Variants in SP140L observed in about 807,000 individuals in gnomAD.
The protein encoded by SP140L is nuclear body protein SP140-like protein.
Under a neutral mutation model 84.3 loss-of-function variants are expected in SP140L, and 64 were observed. The ratio of observed to expected loss-of-function variants is 0.76; its 90% CI spans 0.62 to 0.94. The LOEUF (loss-of-function observed/expected upper bound fraction) is 0.94. Among genes scored for constraint, SP140L ranks in the 40% least tolerant of loss-of-function variants. The pLI is 0.00. For missense variants in SP140L, 628 were observed against 692.5 expected, an observed-to-expected ratio of 0.91 and a Z score of 1.05; for synonymous variants, 242 against 236.9, an observed-to-expected ratio of 1.02 and a Z score of -0.20.
chr2:230,330,856 G>A (rs1176222689), intron 2 of SP140L, among the ~76,000 whole-genome samples: 7 of 152,154 alleles, frequency 4.6e-5, no homozygotes, highest in Non-Finnish European at 8.8e-5. Context: ...GTTCTGAGTA[G>A]TGTGATGAAA....
At chr2:230,370,268 C>T (rs1448685678) in intron 5 of SP140L, among the ~76,000 whole-genome samples, 1 of 152,086 alleles carries the variant, frequency 6.6e-6, no homozygotes, top group Non-Finnish European at 1.5e-5. Context: ...TTCCAGAGAG[C>T]ACTTCACCTT....
In SP140L at chr2:230,327,268, CGA is replaced by C. The variant is rs2059604121; in HGVS notation, c.-1_1del. ...CACCCAGGCAGGGCCTAGGGTGGGA[CGA>C]TGGCAGGTGGGGGCAGCGACCTGAG... On this transcript the variant is annotated start_lost and 5_prime_UTR_variant, in exon 1 of 19. Transcript: ENST00000415673. 1 of 1,610,864 alleles carries C rather than the reference CGA, an allele frequency of 6.2e-7. No individual in the cohort carries two copies. The highest frequency in any genetic ancestry group is 1.3e-5 in the African/African-American group (1 of 74,826).
chr2:230,392,374 C>A (rs2061854639), intron 12 of SP140L, 145 bp downstream of exon 12: 2 of 1,280,590 alleles, frequency 1.6e-6, no homozygotes, highest in South Asian at 3.0e-5. Context: ...GAGAGAGGGA[C>A]CCCATATCCA....
rs1242318744 is a variant in SP140L, at chr2:230,383,491, T to C, written c.638-19T>C. On this transcript the variant is annotated intron_variant, in intron 7 of 18. Coordinates refer to ENST00000415673, the MANE Select transcript of SP140L (RefSeq NM_138402.6). Reference sequence around the variant, plus strand: ...ATTTATTCCTCTGTATAATTAACTTTATTCTCTTTGGTTTGAAGGAAAAAA... The same window carrying C: ...ATTTATTCCTCTGTATAATTAACTTCATTCTCTTTGGTTTGAAGGAAAAAA... 1.9e-6 allele frequency: 3 copies of C among 1,587,804 alleles called. No homozygotes were observed. Among genetic ancestry groups the C allele is most frequent in the Non-Finnish European group, 2.6e-6 (3 of 1,166,602 alleles).
intron 7 of SP140L, among the ~76,000 whole-genome samples, chr2:230,383,119 G>A (rs1252672745): frequency 6.6e-6 from 1 of 152,174 alleles, no homozygotes; most frequent in East Asian, 1.9e-4. Flanking sequence ...CCAATTTCCA[G>A]TACAGAATAT....
At chr2:230,335,509 C>G (rs915451604) in intron 2 of SP140L, among the ~76,000 whole-genome samples, 1 of 152,162 alleles carries the variant, frequency 6.6e-6, no homozygotes. Flanking sequence ...GGAAGTCGTC[C>G]TCTGTCCTTG....
At chr2:230,372,583 G>A (rs1358539536) in intron 7 of SP140L, 3 of 151,938 alleles carry the variant, frequency 2.0e-5, no homozygotes, top group Non-Finnish European at 4.4e-5. Context: ...AAATTAGCCG[G>A]GCGTGTTGGC....
chr2:230,342,216 C>G (rs185473478), intron 2 of SP140L: 1 of 160,640 alleles, frequency 6.2e-6, no homozygotes, highest in African/African-American at 2.4e-5. Flanking sequence ...TTAAGCCCGT[C>G]GGAAAAGCGC....
At chr2:230,351,460 G>A (rs900960961) in intron 2 of SP140L, among the ~76,000 whole-genome samples, 1 of 152,150 alleles carries the variant, frequency 6.6e-6, no homozygotes, top group African/African-American at 2.4e-5. Context: ...TTTAGTCTTT[G>A]CCTATTAATA....
At chr2:230,366,047 T>G (rs1202223632) in intron 5 of SP140L, among the ~76,000 whole-genome samples, 1 of 152,180 alleles carries the variant, frequency 6.6e-6, no homozygotes, top group East Asian at 1.9e-4. Flanking sequence ...ATGATTTATC[T>G]TGGAGAATGT....
intron 7 of SP140L, among the ~76,000 whole-genome samples, chr2:230,383,155 G>A (rs2061463447): frequency 6.6e-6 from 1 of 152,154 alleles, no homozygotes; most frequent in South Asian, 2.1e-4. Flanking sequence ...CAACCTCAAG[G>A]AGGATGTCCT....
chr2:230,356,310 T>G (rs2060545730), intron 2 of SP140L, among the ~76,000 whole-genome samples: 1 of 152,154 alleles, frequency 6.6e-6, no homozygotes, highest in Non-Finnish European at 1.5e-5. Flanking sequence ...AGAACAGCAG[T>G]TTTATTCATA....
Position 230,403,681 on chromosome 2 carries a change from C to T in SP140L, c.*785C>T, listed in dbSNP as rs1261492118. ...TGACCCTTCTTGGAGTCTCATATTT[C>T]GTGGAACTCCTGTGCAAACATATAT... On this transcript the variant is annotated 3_prime_UTR_variant, in exon 19 of 19. Coordinates refer to ENST00000415673, the MANE Select transcript of SP140L (RefSeq NM_138402.6). The T allele has an allele frequency of 2.6e-5, 4 of 152,222 alleles. No individual in the cohort carries two copies. The highest frequency in any genetic ancestry group is 9.7e-5 in the African/African-American group (4 of 41,444). 9.4% of individuals were successfully genotyped at this position (152,222 alleles called of 1,614,324 possible).
At chr2:230,343,244 C>T (rs1461972485) in intron 2 of SP140L, among the ~76,000 whole-genome samples, 1 of 147,428 alleles carries the variant, frequency 6.8e-6, no homozygotes, top group Non-Finnish European at 1.5e-5. Flanking sequence ...CTCCCTACAC[C>T]CCCGACAGGT....
intron 7 of SP140L, among the ~76,000 whole-genome samples, chr2:230,379,281 GT>G (rs536638544): frequency 1.3e-5 from 2 of 151,876 alleles, no homozygotes; most frequent in East Asian, 3.9e-4. Context: ...CTTAATTTGT[GT>G]TTTTTTGTGT....
At position 230,402,811 on chromosome 2, in the gene SP140L, G is replaced by C; in HGVS notation, c.1658G>C (p.Gly553Ala). The part of the protein sequence containing the change: ...HRASYKYKDF[G>A]QMGLRLEAEF... ...ACTTTTTTCCAGTATAAGGATTTTG[G>C]CCAAATGGGACTTAGACTGGAGGCT... is the stretch of plus-strand genomic sequence containing the variant. Residue 553 changes from glycine to alanine, a missense_variant, in exon 19 of 19, where the codon GGC (glycine) becomes GCC (alanine). Physicochemically the swap from Gly to Ala is moderately conservative, Grantham distance 60. Around this residue, in one of 4 missense-constraint regions of SP140L, gnomAD observed 44 missense variants for 36.1 expected, o/e 1.22. Coordinates refer to ENST00000415673, the MANE Select transcript of SP140L (RefSeq NM_138402.6). 2 of 1,611,914 alleles carry C rather than the reference G, an allele frequency of 1.2e-6. No homozygotes were observed. Among genetic ancestry groups the C allele is most frequent in the Non-Finnish European group, 8.5e-7 (1 of 1,179,438 alleles).
At chr2:230,348,918 T>C (rs1428823532) in intron 2 of SP140L, among the ~76,000 whole-genome samples, 2 of 152,216 alleles carry the variant, frequency 1.3e-5, no homozygotes, top group Admixed American at 1.3e-4. Context: ...TGCTCACAAG[T>C]TATTAAGGAT....
intron 5 of SP140L, among the ~76,000 whole-genome samples, chr2:230,366,807 C>T (rs2060893306): frequency 6.6e-6 from 1 of 151,212 alleles, no homozygotes; most frequent in South Asian, 2.1e-4. Context: ...GATCTTGGCT[C>T]ACTGCAACCT....
intron 7 of SP140L, among the ~76,000 whole-genome samples, chr2:230,379,925 G>A (rs1311017303): frequency 2.0e-5 from 3 of 152,114 alleles, no homozygotes; most frequent in Admixed American, 2.0e-4. Flanking sequence ...AGTCTTGGGA[G>A]AATTGTATAC....
Sources: gnomAD v4.1 joint callset for allele counts (sites outside exome capture counted in the v4.1 genomes callset) on GRCh38, gnomAD v4.1.1 for gene constraint, gnomAD v4.1.1 regional missense constraint, MANE v1.5 for transcripts, NCBI Gene and HGNC (gene_info 2026-07-23, HGNC 2026-07-21) for gene names.